The following SLC29A3 variants were observed in gnomAD, a reference collection of about 807,000 sequenced individuals.
SLC29A3 encodes solute carrier family 29 member 3.
In SLC29A3, 18 loss-of-function variants were observed where a neutral mutation model predicts 25.4. That is an observed-to-expected ratio of 0.71 (90% CI 0.49 to 1.05). The LOEUF is 1.05. SLC29A3 is among the 50% of genes least tolerant of loss of function. The pLI is 0.00. For synonymous variants in SLC29A3, 258 were observed against 267.1 expected (o/e 0.97, Z 0.33); for missense variants, 586 against 609.0 (o/e 0.96, Z 0.40).
exon 5 of SLC29A3, chr10:71,379,894 C>A (rs919358730): frequency 5.3e-5 from 8 of 152,202 alleles, no homozygotes; most frequent in African/African-American, 1.9e-4. Flanking sequence ...CTCCCAGTGC[C>A]TAAGGTCCTT....
chr10:71,351,735 T>A lies in SLC29A3; in HGVS notation c.557T>A (p.Ile186Asn). 6 of 1,614,136 alleles carry A rather than the reference T, an allele frequency of 3.7e-6. No individual in the cohort carries two copies. The highest frequency in any genetic ancestry group is 5.1e-6 in the Non-Finnish European group (6 of 1,180,016). ...GCCTCCACTGTCTTCAGCAGCAGCA[T>A]CTACGGCATGACCGGCTCCTTTCCT... The part of the protein sequence containing the change: ...SGASTVFSSS[I>N]YGMTGSFPMR... Residue 186 changes from isoleucine (I) to asparagine (N), a missense_variant, in exon 4 of 6, where the codon ATC becomes AAC. Transcript: ENST00000373189.
At chr10:71,370,606 C>T (rs1238850481) in intron 3 of SLC29A3, among the ~76,000 whole-genome samples, 1 of 152,132 alleles carries the variant, frequency 6.6e-6, no homozygotes. Context: ...GCAATCATAG[C>T]TCACTGCAAC....
intron 2 of SLC29A3, among the ~76,000 whole-genome samples, chr10:71,338,525 A>G (rs2131817953): frequency 6.6e-6 from 1 of 152,280 alleles, no homozygotes; most frequent in East Asian, 1.9e-4. Flanking sequence ...TGGGAGGTCA[A>G]AGCAGGTGGA....
intron 2 of SLC29A3, among the ~76,000 whole-genome samples, chr10:71,328,575 C>G (rs960837425): frequency 6.6e-6 from 1 of 152,202 alleles, no homozygotes; most frequent in South Asian, 2.1e-4. Context: ...ACTCTACATC[C>G]TATGCCCCTG....
chr10:71,339,243 G>A (rs969167172), intron 2 of SLC29A3, among the ~76,000 whole-genome samples: 5 of 152,230 alleles, frequency 3.3e-5, no homozygotes, highest in African/African-American at 7.2e-5. Flanking sequence ...TCTGGAAGCT[G>A]TGCTGCTTGC....
chr10:71,352,471 C>G (rs993795692), intron 4 of SLC29A3: 1 of 153,172 alleles, frequency 6.5e-6, no homozygotes, highest in Middle Eastern at 3.2e-3. Context: ...TTCCCTCCTT[C>G]TCCTATTCCT....
rs1847077694 is a variant in SLC29A3, at chr10:71,362,187, G to A, written c.1007G>A (p.Gly336Asp). Residue 336 changes from glycine to aspartate, a missense_variant, in exon 6 of 6, where the codon GGT (glycine) becomes GAT (aspartate). Gly to Asp is a moderately conservative substitution (Grantham distance 94). Transcript: ENST00000373189. ...ACCAACATCGAGTCCCTCAACAAGG[G>A]TTCGGGCTCACTGTGGACCACCAAG... The part of the protein sequence containing the change: ...ICTNIESLNK[G>D]SGSLWTTKFF... 2 of 1,613,946 alleles carry A rather than the reference G, an allele frequency of 1.2e-6. No individual in the cohort carries two copies. Among genetic ancestry groups the A allele is most frequent in the South Asian group, 2.2e-5 (2 of 91,082 alleles).
rs528386742 is a variant in SLC29A3, at chr10:71,326,752, C to G, written c.300+3698C>G. 3.3e-5 allele frequency among the ~76,000 whole-genome samples: 5 copies of G among 152,372 alleles called. No homozygotes were observed. The South Asian group carries it at 1.0e-3, about 32-fold the overall frequency. ...AGCTGCAGGCACTTGGCATTCTGAG[C>G]CCTGCTACGATGCTTTATGGCCTCT... On this transcript the variant is annotated intron_variant, in intron 2 of 5. Coordinates refer to ENST00000373189, the MANE Select transcript of SLC29A3 (RefSeq NM_018344.6).
At chr10:71,340,095 C>T (rs749546681) in intron 2 of SLC29A3, among the ~76,000 whole-genome samples, 11 of 152,202 alleles carry the variant, frequency 7.2e-5, no homozygotes, top group Non-Finnish European at 1.2e-4. Context: ...TACTAACCAG[C>T]CTAAGGGTCT....
chr10:71,357,465 G>T (rs1226403204), intron 5 of SLC29A3, among the ~76,000 whole-genome samples: 3 of 151,790 alleles, frequency 2.0e-5, no homozygotes, highest in Non-Finnish European at 4.4e-5. Flanking sequence ...TGCCCAGGGT[G>T]GTCTTGAACT....
rs532478540 is a variant in SLC29A3 at position 71,332,570 on chromosome 10, A to G, written c.300+9516A>G. Among the ~76,000 whole-genome samples the G allele has an allele frequency of 2.0e-5, 3 of 152,278 alleles. No homozygotes were observed. In the East Asian group the frequency reaches 5.8e-4, roughly 29 times the overall value. ...TGCCTGAGCTTTGTCATCCTAGGAA[A>G]AGAGATGGGGAGTCTGAGGTCAGGC... On this transcript the variant is annotated intron_variant, in intron 2 of 5. Transcript: ENST00000373189.
intron 4 of SLC29A3, among the ~76,000 whole-genome samples, chr10:71,377,159 G>A (rs908554615): frequency 6.6e-6 from 1 of 152,192 alleles, no homozygotes; most frequent in Non-Finnish European, 1.5e-5. Context: ...AGATCTCCGG[G>A]CCTCAAGGCC....
rs774906415 is a variant in SLC29A3, at chr10:71,362,037, T to C, written c.857T>C (p.Val286Ala). 2 of 1,614,152 alleles carry C rather than the reference T, an allele frequency of 1.2e-6. No individual in the cohort carries two copies. The highest frequency in any genetic ancestry group is 1.1e-5 in the South Asian group (1 of 91,074). ...CAGGACTCCCTCAGTGCCCCTTCGGTGGCCTCCAGATTCATTGATTCCCAC... is the reference window on the plus strand; with the variant it reads ...CAGGACTCCCTCAGTGCCCCTTCGGCGGCCTCCAGATTCATTGATTCCCAC... ...LPQDSLSAPSVASRFIDSHTP... is the reference protein window; with the variant it reads ...LPQDSLSAPSAASRFIDSHTP... Residue 286 changes from valine to alanine, a missense_variant, in exon 6 of 6, where the codon GTG becomes GCG. By Grantham distance (64) the Val-to-Ala change is moderately conservative. Coordinates refer to ENST00000373189, the MANE Select transcript of SLC29A3 (RefSeq NM_018344.6).
chr10:71,366,927 G>A (rs1350758944), downstream of SLC29A3, among the ~76,000 whole-genome samples: 1 of 152,220 alleles, frequency 6.6e-6, no homozygotes. Context: ...CTGGGCCTGA[G>A]TCACTGTTGC....
intron 2 of SLC29A3, among the ~76,000 whole-genome samples, chr10:71,330,643 G>A (rs1846096424): frequency 6.6e-6 from 1 of 152,208 alleles, no homozygotes; most frequent in African/African-American, 2.4e-5. Flanking sequence ...ACATAACGCT[G>A]CAGACACAGG....
intron 5 of SLC29A3, among the ~76,000 whole-genome samples, chr10:71,356,612 G>A (rs945681074): frequency 2.0e-5 from 3 of 152,152 alleles, no homozygotes; most frequent in African/African-American, 7.2e-5. Flanking sequence ...GATCGCTTGA[G>A]CCCAGGAGTT....
chr10:71,364,816 CCCTT>C, downstream of SLC29A3: 1 of 152,254 alleles, frequency 6.6e-6, no homozygotes, highest in East Asian at 1.9e-4. Flanking sequence ...AAAAAGTTCT[CCCTT>C]CCCTTTGCAG....
intron 2 of SLC29A3, among the ~76,000 whole-genome samples, chr10:71,330,714 C>T (rs1846097948): frequency 6.6e-6 from 1 of 152,246 alleles, no homozygotes; most frequent in Non-Finnish European, 1.5e-5. Context: ...TGCATGAGGA[C>T]TTCACTAAAT....
At position 71,362,771 on chromosome 10, in the gene SLC29A3, A is replaced by G; in HGVS notation, c.*163A>G. 1.2e-6 allele frequency: 1 copy of G among 843,180 alleles called. No homozygotes were observed. Among genetic ancestry groups the G allele is most frequent in the South Asian group, 1.4e-5 (1 of 69,900 alleles). The allele number at this position is 843,180 out of a possible 1,614,324, so 52.2% of individuals were successfully genotyped here. A position where few individuals can be genotyped will look rare whatever the true frequency, so the allele number is the denominator to read the frequency against. On this transcript the variant is annotated 3_prime_UTR_variant, in exon 6 of 6. Coordinates refer to ENST00000373189, the MANE Select transcript of SLC29A3 (RefSeq NM_018344.6). ...CCCAAGATGCCAGTGAGCCACGTCCATGCCCATTCCGTGCAAGGCAGATAT... is the reference window on the plus strand; with the variant it reads ...CCCAAGATGCCAGTGAGCCACGTCCGTGCCCATTCCGTGCAAGGCAGATAT...
Sources: allele counts gnomAD v4.1 joint callset (sites outside exome capture counted in the v4.1 genomes callset), GRCh38; gene constraint gnomAD v4.1.1; transcripts MANE v1.5; gene names NCBI Gene and HGNC (gene_info 2026-07-23, HGNC 2026-07-21).